Variants in OSBPL3 observed in about 807,000 individuals in gnomAD.
OSBPL3 encodes oxysterol-binding protein-related protein 3.
In OSBPL3, 65 loss-of-function variants were observed where a neutral mutation model predicts 120.1. The ratio of observed to expected loss-of-function variants is 0.54; its 90% CI spans 0.44 to 0.67. OSBPL3 has a LOEUF of 0.67. Ranked by LOEUF, OSBPL3 falls within the 30% of genes least tolerant of loss-of-function variation. The probability of loss-of-function intolerance (pLI) is 0.00; values close to 1 mark genes in which losing one functional copy is unlikely to be tolerated. For missense variants in OSBPL3, 1,004 were observed against 1,082.1 expected (o/e 0.93, Z 1.01); for synonymous variants, 416 against 402.6 (o/e 1.03, Z -0.40).
At chr7:24,934,781 C>T (rs11982236) in intron 1 of OSBPL3, among the ~76,000 whole-genome samples, 6,048 of 152,222 alleles carry the variant, frequency 0.04, 410 homozygotes, top group African/African-American at 0.14. Context: ...TCAGTTATGT[C>T]TTCTGTTCCT....
At chr7:24,878,445 T>C (rs1249278025) in intron 2 of OSBPL3, among the ~76,000 whole-genome samples, 2 of 152,218 alleles carry the variant, frequency 1.3e-5, no homozygotes, top group Non-Finnish European at 2.9e-5. Flanking sequence ...AATGTGTCTT[T>C]AATGATTTTA....
intron 1 of OSBPL3, among the ~76,000 whole-genome samples, chr7:24,975,264 C>T (rs542953640): frequency 2.0e-5 from 3 of 152,310 alleles, no homozygotes; most frequent in East Asian, 3.9e-4. Context: ...GATCTCCTTG[C>T]AATATCTCCT....
rs770550838 is a variant in OSBPL3 at position 24,866,054 on chromosome 7, G to A, written c.549+16C>T. 3.1e-6 allele frequency: 5 copies of A among 1,604,866 alleles called. No homozygotes were observed. The highest frequency in any genetic ancestry group is 4.3e-6 in the Non-Finnish European group (5 of 1,171,912). On this transcript the variant is annotated intron_variant, in intron 6 of 22. Coordinates refer to ENST00000313367, the MANE Select transcript of OSBPL3 (RefSeq NM_015550.4). ...CACCCCGTTCTCAGATTCATTATTG[G>A]CAAAACACTCATTACCTTCCTACTT...
In OSBPL3 at chr7:24,831,844, A is replaced by G. The variant is rs1428107821; in HGVS notation, c.1747-939T>C. On this transcript the variant is annotated intron_variant, in intron 15 of 22. Coordinates refer to ENST00000313367, the MANE Select transcript of OSBPL3 (RefSeq NM_015550.4). The surrounding 1 kb of genome is among the most constrained non-coding windows in gnomAD (Gnocchi z 4.0). ...TGCTAAATTTTTGATGTTGCCTGTA[A>G]TAGGGACCACCTCACCACCTCATGC... 6.6e-6 allele frequency among the ~76,000 whole-genome samples: 1 copy of G among 152,192 alleles called. No homozygotes were observed. Among genetic ancestry groups the G allele is most frequent in the Non-Finnish European group, 1.5e-5 (1 of 68,030 alleles).
intron 2 of OSBPL3, among the ~76,000 whole-genome samples, chr7:24,886,348 T>A (rs552563558): frequency 6.6e-6 from 1 of 152,224 alleles, no homozygotes; most frequent in Non-Finnish European, 1.5e-5. Context: ...AGACGTTCAA[T>A]AGAGTAGTTC....
In OSBPL3 at chr7:24,867,736, G is replaced by A. The variant is rs186137565; in HGVS notation, c.382-1499C>T. On this transcript the variant is annotated intron_variant, in intron 5 of 22. Transcript: ENST00000313367. The surrounding 1 kb of genome is among the most constrained non-coding windows in gnomAD (Gnocchi z 4.5). ...ATGTCTTTATCAGCAGTGTGAAAACGAACTAATACAATATGTTAATGAATG... is the reference window on the plus strand; with the variant it reads ...ATGTCTTTATCAGCAGTGTGAAAACAAACTAATACAATATGTTAATGAATG... Among the ~76,000 whole-genome samples, 167 of 152,074 alleles carry A rather than the reference G, an allele frequency of 1.1e-3. 1 individual carries two copies. The highest frequency in any genetic ancestry group is 3.5e-3 in the African/African-American group (147 of 41,458).
At chr7:24,931,148 T>C (rs1489879937) in intron 1 of OSBPL3, among the ~76,000 whole-genome samples, 1 of 152,158 alleles carries the variant, frequency 6.6e-6, no homozygotes, top group African/African-American at 2.4e-5. Flanking sequence ...GTATTCATTG[T>C]GGGGCACAGA....
chr7:24,902,461 G>A (rs1314319955), intron 1 of OSBPL3, among the ~76,000 whole-genome samples: 1 of 151,680 alleles, frequency 6.6e-6, no homozygotes, highest in Admixed American at 6.6e-5. Context: ...GAACTTCCTC[G>A]TTCAGTTGTT....
Position 24,830,918 on chromosome 7 carries a change from G to T in OSBPL3, c.1747-13C>A. On this transcript the variant is annotated splice_polypyrimidine_tract_variant and intron_variant, in intron 15 of 22. Coordinates refer to ENST00000313367, the MANE Select transcript of OSBPL3 (RefSeq NM_015550.4). This position sits in a 1 kb window ranked among gnomAD's most constrained non-coding sequence, Gnocchi z 4.4. ...CTGCCACATATACCTAAGGACAAGA[G>T]AAAAGAACTTTGTCATTTCCGTGTC... 2 of 1,579,784 alleles carry T rather than the reference G, an allele frequency of 1.3e-6. No individual in the cohort carries two copies. Among genetic ancestry groups the T allele is most frequent in the Non-Finnish European group, 1.7e-6 (2 of 1,168,436 alleles).
chr7:24,886,941 G>A (rs950503346), intron 2 of OSBPL3, among the ~76,000 whole-genome samples: 10 of 152,032 alleles, frequency 6.6e-5, no homozygotes, highest in African/African-American at 1.5e-4. Context: ...CACAAACCAC[G>A]GTCATTTTCA....
rs539737183 is a variant in OSBPL3 at position 24,938,197 on chromosome 7, C to T, written c.-150+41689G>A. Among the ~76,000 whole-genome samples the T allele has an allele frequency of 2.6e-4, 40 of 152,250 alleles. No homozygotes were observed. Among genetic ancestry groups the T allele is most frequent in the Admixed American group, 1.0e-3 (16 of 15,300 alleles). ...GGCGGTGATCAAGTCATGAGGGCTCCCCCTTTGCATGGGATTAATACCCTT... is the reference window on the plus strand; with the variant it reads ...GGCGGTGATCAAGTCATGAGGGCTCTCCCTTTGCATGGGATTAATACCCTT... On this transcript the variant is annotated intron_variant, in intron 1 of 22. Coordinates refer to ENST00000313367, the MANE Select transcript of OSBPL3 (RefSeq NM_015550.4). The surrounding 1 kb of genome is among the most constrained non-coding windows in gnomAD (Gnocchi z 5.8).
rs916373936 is a variant in OSBPL3, at chr7:24,817,383, G to A, written c.1949-695C>T. 6.6e-6 allele frequency among the ~76,000 whole-genome samples: 1 copy of A among 152,144 alleles called. No individual in the cohort carries two copies. Among genetic ancestry groups the A allele is most frequent in the African/African-American group, 2.4e-5 (1 of 41,414 alleles). ...AATACAAAAATTAGCTGGGCGTTGT[G>A]GTGGGTGCCTGTAGTCCCAGCTGCT... On this transcript the variant is annotated intron_variant, in intron 17 of 22. Transcript: ENST00000313367. The surrounding 1 kb of genome is among the most constrained non-coding windows in gnomAD (Gnocchi z 4.0).
At position 24,896,686 on chromosome 7, in the gene OSBPL3, C is replaced by T. The variant is rs765344713; in HGVS notation, c.-149-4065G>A. The stretch of plus-strand genomic sequence containing the variant: ...GGTTTGAATTGGTGTTTCCTTATTA[C>T]AAACTCTGTGCACCTTGACAAATGT... On this transcript the variant is annotated intron_variant, in intron 1 of 22. Transcript: ENST00000313367. The surrounding 1 kb of genome is among the most constrained non-coding windows in gnomAD (Gnocchi z 4.4). Among the ~76,000 whole-genome samples the T allele has an allele frequency of 2.6e-5, 4 of 152,300 alleles. No individual in the cohort carries two copies. Among genetic ancestry groups the T allele is most frequent in the Admixed American group, 6.5e-5 (1 of 15,302 alleles).
Position 24,863,400 on chromosome 7 carries a change from C to A in OSBPL3, c.777+96G>T. On this transcript the variant is annotated intron_variant, in intron 8 of 22. Coordinates refer to ENST00000313367, the MANE Select transcript of OSBPL3 (RefSeq NM_015550.4). This position sits in a 1 kb window ranked among gnomAD's most constrained non-coding sequence, Gnocchi z 5.8. Reference sequence around the variant, plus strand: ...TCCATCCCCTTGACTTTGGCTGAAGCAACTGACCACAGCATCCCACTGTTA... The same window carrying A: ...TCCATCCCCTTGACTTTGGCTGAAGAAACTGACCACAGCATCCCACTGTTA... 1 of 1,362,478 alleles carries A rather than the reference C, an allele frequency of 7.3e-7. No homozygotes were observed. Among genetic ancestry groups the A allele is most frequent in the Non-Finnish European group, 1.1e-6 (1 of 951,386 alleles). The allele number at this position is 1,362,478 out of a possible 1,614,324, so 84.4% of individuals were successfully genotyped here. A position where few individuals can be genotyped will look rare whatever the true frequency, so the allele number is the denominator to read the frequency against.
chr7:24,848,880 T>C (rs901125023), intron 12 of OSBPL3, among the ~76,000 whole-genome samples, 189 bp downstream of exon 12: 4 of 152,228 alleles, frequency 2.6e-5, no homozygotes, highest in African/African-American at 9.6e-5. Context: ...ATTAGCAGCA[T>C]ACGCTCAAGA....
chr7:24,816,942 C>A (rs567806497), intron 17 of OSBPL3, among the ~76,000 whole-genome samples: 1 of 152,092 alleles, frequency 6.6e-6, no homozygotes, highest in Admixed American at 6.5e-5. Flanking sequence ...AGTAAGCACA[C>A]AGAGAGGCCC....
chr7:24,909,296 C>T (rs1342770384), intron 1 of OSBPL3, among the ~76,000 whole-genome samples: 1 of 152,144 alleles, frequency 6.6e-6, no homozygotes, highest in Non-Finnish European at 1.5e-5. Flanking sequence ...TTCTTTGCCG[C>T]TTGGTAGGGG....
intron 22 of OSBPL3, among the ~76,000 whole-genome samples, chr7:24,800,637 A>T (rs1161305799): frequency 4.6e-5 from 7 of 151,628 alleles, no homozygotes; most frequent in Admixed American, 1.3e-4. Flanking sequence ...TTGTATTTTT[A>T]GTAGAGACGG....
At position 24,863,254 on chromosome 7, in the gene OSBPL3, C is replaced by T. The variant is rs760516302; in HGVS notation, c.816G>A (p.Ser272=). 4.6e-5 allele frequency: 74 copies of T among 1,613,956 alleles called. No individual in the cohort carries two copies. In the Admixed American group the frequency reaches 1.2e-3, roughly 25 times the overall value. Reference sequence around the variant, plus strand: ...TAGCTCTGGACCGCCACCTCCTGTGCGATCTTTTTTCCTTTTTGGGACTTT... The same window carrying T: ...TAGCTCTGGACCGCCACCTCCTGTGTGATCTTTTTTCCTTTTTGGGACTTT... ...SFESPKKEKR[S]HRRWRSRAIG... Residue 272 remains serine, a synonymous_variant, in exon 9 of 23, where the codon TCG becomes TCA. Transcript: ENST00000313367. This position sits in a 1 kb window ranked among gnomAD's most constrained non-coding sequence, Gnocchi z 5.8.
Sources: allele counts gnomAD v4.1 joint callset (sites outside exome capture counted in the v4.1 genomes callset), GRCh38; gene constraint gnomAD v4.1.1; non-coding constraint Gnocchi (gnomAD v3.1); transcripts MANE v1.5; gene names NCBI Gene and HGNC (gene_info 2026-07-23, HGNC 2026-07-21).